Variants in AGBL4 observed in about 807,000 individuals in gnomAD.
AGBL4 encodes cytosolic carboxypeptidase 6.
A neutral mutation model predicts 66.4 loss-of-function variants in AGBL4; 58 were observed. The observed-to-expected ratio is 0.87, with a 90% CI of 0.71 to 1.09. The LOEUF (loss-of-function observed/expected upper bound fraction) is 1.09. Among genes scored for constraint, AGBL4 ranks in the 50% least tolerant of loss-of-function variants. The probability of loss-of-function intolerance (pLI) is 0.00; values close to 1 mark genes in which losing one functional copy is unlikely to be tolerated. For missense variants in AGBL4, 579 were observed against 631.0 expected (o/e 0.92, Z 0.88); for synonymous variants, 234 against 222.9 (o/e 1.05, Z -0.44).
At chr1:48,983,110 G>T (rs542205775) in intron 5 of AGBL4, among the ~76,000 whole-genome samples, 162 of 152,220 alleles carry the variant, frequency 1.1e-3, no homozygotes, top group African/African-American at 3.6e-3. Flanking sequence ...CATCAAAAAT[G>T]ACATTCCTGA....
intron 3 of AGBL4, among the ~76,000 whole-genome samples, chr1:49,592,004 A>C (rs765926341): frequency 6.6e-5 from 10 of 152,158 alleles, no homozygotes; most frequent in Non-Finnish European, 1.2e-4. Context: ...AACCTAAAAA[A>C]TACCATTCTG....
chr1:49,065,808 C>A (rs1571359973), intron 4 of AGBL4, among the ~76,000 whole-genome samples: 1 of 152,198 alleles, frequency 6.6e-6, no homozygotes, highest in East Asian at 1.9e-4. Context: ...TATTGAACAG[C>A]AGCCAGCTTC....
intron 4 of AGBL4, among the ~76,000 whole-genome samples, chr1:49,124,977 C>G (rs934840570): frequency 1.3e-5 from 2 of 152,126 alleles, no homozygotes; most frequent in Admixed American, 6.6e-5. Context: ...GCCCACAGGA[C>G]CCCAAAGTTT....
chr1:49,663,709 T>A (rs933102982), intron 3 of AGBL4, among the ~76,000 whole-genome samples: 4 of 151,770 alleles, frequency 2.6e-5, no homozygotes, highest in African/African-American at 9.7e-5. Flanking sequence ...TAGAAAATGA[T>A]AACAGAATAA....
chr1:49,177,025 C>T (rs907048487), intron 4 of AGBL4, among the ~76,000 whole-genome samples: 14 of 152,014 alleles, frequency 9.2e-5, no homozygotes, highest in Non-Finnish European at 1.8e-4. Flanking sequence ...AAAGCTCTGT[C>T]TTGGTTTTCA....
chr1:48,877,639 C>G (rs1649352265), intron 5 of AGBL4, among the ~76,000 whole-genome samples: 1 of 152,052 alleles, frequency 6.6e-6, no homozygotes, highest in South Asian at 2.1e-4. Flanking sequence ...TTAGATGATA[C>G]TAGGTGCAAG....
At chr1:49,238,426 T>C (rs1046753103) in intron 4 of AGBL4, among the ~76,000 whole-genome samples, 2 of 152,186 alleles carry the variant, frequency 1.3e-5, no homozygotes, top group African/African-American at 4.8e-5. Context: ...CATATTCAAG[T>C]TCACTTATTC....
chr1:49,553,053 T>G (rs931117583), intron 3 of AGBL4, among the ~76,000 whole-genome samples: 3 of 152,186 alleles, frequency 2.0e-5, no homozygotes, highest in African/African-American at 7.2e-5. Flanking sequence ...AACCTACGTA[T>G]GAAAGGCTAT....
intron 3 of AGBL4, among the ~76,000 whole-genome samples, chr1:49,381,669 A>G (rs992733168): frequency 8.5e-5 from 13 of 152,134 alleles, no homozygotes; most frequent in Non-Finnish European, 4.4e-5. Flanking sequence ...TGCAGCCATA[A>G]AAAATGATGA....
At chr1:48,934,176 G>A (rs1470558792) in intron 5 of AGBL4, among the ~76,000 whole-genome samples, 4 of 152,154 alleles carry the variant, frequency 2.6e-5, no homozygotes, top group South Asian at 2.1e-4. Flanking sequence ...AATAATGCAC[G>A]TGTCTAGGGG....
intron 3 of AGBL4, among the ~76,000 whole-genome samples, chr1:49,371,477 C>T (rs1198806532): frequency 6.6e-6 from 1 of 152,082 alleles, no homozygotes; most frequent in South Asian, 2.1e-4. Context: ...CTGCACTTGT[C>T]CCACTATTTT....
At chr1:48,861,100 A>G (rs1647425529) in intron 6 of AGBL4, among the ~76,000 whole-genome samples, 1 of 152,210 alleles carries the variant, frequency 6.6e-6, no homozygotes, top group Non-Finnish European at 1.5e-5. Flanking sequence ...CTTGGAAATG[A>G]AAAAACATAG....
chr1:48,616,700 T>C (rs1472988710), intron 9 of AGBL4, among the ~76,000 whole-genome samples: 1 of 152,216 alleles, frequency 6.6e-6, no homozygotes, highest in Non-Finnish European at 1.5e-5. Flanking sequence ...TCCCTAGTAA[T>C]TACTGTCTAA....
intron 5 of AGBL4, among the ~76,000 whole-genome samples, chr1:49,030,181 A>G (rs958307160): frequency 1.8e-4 from 27 of 152,064 alleles, no homozygotes; most frequent in African/African-American, 5.6e-4. Context: ...CCCCAATGTG[A>G]TGCTATTAGG....
intron 3 of AGBL4, among the ~76,000 whole-genome samples, chr1:49,393,750 T>A (rs1300936941): frequency 6.6e-6 from 1 of 152,164 alleles, no homozygotes; most frequent in African/African-American, 2.4e-5. Context: ...ACTAAGTGCA[T>A]AGAGCTGTGT....
At chr1:49,837,843 T>A (rs769529179) in intron 2 of AGBL4, among the ~76,000 whole-genome samples, 32 of 152,008 alleles carry the variant, frequency 2.1e-4, no homozygotes, top group Non-Finnish European at 4.3e-4. Context: ...AGACTCCATC[T>A]CAAAACAAAC....
chr1:48,576,568 G>A (rs1433347917), intron 11 of AGBL4, among the ~76,000 whole-genome samples: 1 of 152,172 alleles, frequency 6.6e-6, no homozygotes, highest in East Asian at 1.9e-4. Flanking sequence ...TTGGCACAGA[G>A]TCCTCTGTTT....
chr1:48,766,307 T>A (rs1203436940), intron 6 of AGBL4, among the ~76,000 whole-genome samples: 1 of 152,228 alleles, frequency 6.6e-6, no homozygotes, highest in African/African-American at 2.4e-5. Context: ...CAAGATGTGC[T>A]ATAGATCTAT....
At chr1:49,673,613 T>A (rs866777126) in intron 3 of AGBL4, among the ~76,000 whole-genome samples, 8 of 152,174 alleles carry the variant, frequency 5.3e-5, no homozygotes, top group Middle Eastern at 3.4e-3. Flanking sequence ...TTTTAAATAT[T>A]AAAAAAGAAA....
Sources: gnomAD v4.1 joint callset for allele counts (sites outside exome capture counted in the v4.1 genomes callset) on GRCh38, gnomAD v4.1.1 for gene constraint, MANE v1.5 for transcripts, NCBI Gene and HGNC (gene_info 2026-07-23, HGNC 2026-07-21) for gene names.